FBP2: variants seen among roughly 807,000 people sequenced by gnomAD.
FBP2 encodes the protein fructose-1,6-bisphosphatase isozyme 2.
In FBP2, 27 loss-of-function variants were observed where a neutral mutation model predicts 31.6. The ratio of observed to expected loss-of-function variants is 0.85; its 90% CI spans 0.63 to 1.18. The LOEUF (loss-of-function observed/expected upper bound fraction) is 1.18. Ranked by LOEUF, FBP2 falls within the 50% of genes most tolerant of loss-of-function variation. FBP2 has a pLI of 0.00. For synonymous variants in FBP2, 168 were observed against 179.8 expected, an observed-to-expected ratio of 0.93 and a Z score of 0.53; for missense variants, 421 against 436.1, an observed-to-expected ratio of 0.97 and a Z score of 0.31.
At chr9:94,592,191 C>T (rs140505540) in intron 1 of FBP2, among the ~76,000 whole-genome samples, 2 of 152,280 alleles carry the variant, frequency 1.3e-5, no homozygotes, top group South Asian at 2.1e-4. Flanking sequence ...AAATGCAGAG[C>T]GTGGCTGTTA....
chr9:94,567,417 T>TGAAGAG lies in FBP2; in HGVS notation c.568-16_568-11dup. 6.2e-7 allele frequency: 1 copy of TGAAGAG among 1,612,660 alleles called. No individual in the cohort carries two copies. The highest frequency in any genetic ancestry group is 8.5e-7 in the Non-Finnish European group (1 of 1,179,856). ...CAAATTCACCAAGAGCCTAGCAACA[T>TGAAGAG]GAAGAGAGATGCCAGGAAGAAGAGA... On this transcript the variant is annotated splice_polypyrimidine_tract_variant and intron_variant, in intron 4 of 6. Transcript: ENST00000375337.
chr9:94,561,981 A>G (rs1179240515), intron 6 of FBP2, among the ~76,000 whole-genome samples: 1 of 152,144 alleles, frequency 6.6e-6, no homozygotes, highest in African/African-American at 2.4e-5. Context: ...TGTTCTCCCC[A>G]ATGTAACTGA....
intron 3 of FBP2, among the ~76,000 whole-genome samples, chr9:94,572,522 C>G (rs773748171): frequency 6.6e-6 from 1 of 152,182 alleles, no homozygotes; most frequent in Non-Finnish European, 1.5e-5. Context: ...CAGCGCTTGA[C>G]GCCATGAGCA....
chr9:94,590,512 A>G (rs1291241218), intron 1 of FBP2, among the ~76,000 whole-genome samples: 2 of 152,160 alleles, frequency 1.3e-5, no homozygotes, highest in African/African-American at 4.8e-5. Flanking sequence ...TCAAGAATGA[A>G]GCCGCGGACC....
intron 6 of FBP2, among the ~76,000 whole-genome samples, chr9:94,559,617 C>T (rs1490910599): frequency 6.6e-6 from 1 of 152,082 alleles, no homozygotes; most frequent in East Asian, 1.9e-4. Flanking sequence ...TGGAGGAACT[C>T]CACATCTTAA....
At chr9:94,589,817 C>T (rs1363096214) in intron 1 of FBP2, among the ~76,000 whole-genome samples, 1 of 151,200 alleles carries the variant, frequency 6.6e-6, no homozygotes, top group Non-Finnish European at 1.5e-5. Flanking sequence ...GGAAAACACT[C>T]CTAGCAGCCT....
chr9:94,572,262 C>G (rs183356446), intron 3 of FBP2, among the ~76,000 whole-genome samples: 9 of 152,264 alleles, frequency 5.9e-5, no homozygotes, highest in Admixed American at 2.0e-4. Context: ...TTCCTCACCC[C>G]CTTATCCAAA....
intron 1 of FBP2, among the ~76,000 whole-genome samples, chr9:94,591,199 C>A (rs1460738203): frequency 6.6e-6 from 1 of 152,214 alleles, no homozygotes; most frequent in African/African-American, 2.4e-5. Flanking sequence ...CGGGGGGTGG[C>A]GCTCGTCGGG....
chr9:94,561,541 A>G (rs1317613523), intron 6 of FBP2, among the ~76,000 whole-genome samples: 1 of 151,644 alleles, frequency 6.6e-6, no homozygotes, highest in African/African-American at 2.4e-5. Flanking sequence ...TATTTTTTGT[A>G]TTTTTAGTAG....
intron 6 of FBP2, among the ~76,000 whole-genome samples, chr9:94,562,147 TA>T (rs796487611): frequency 6.6e-6 from 1 of 151,586 alleles, no homozygotes; most frequent in East Asian, 2.0e-4. Context: ...CCGTCTCTAC[TA>T]AAAATACAAA....
At chr9:94,581,371 A>G (rs991853790) in intron 3 of FBP2, among the ~76,000 whole-genome samples, 1 of 152,218 alleles carries the variant, frequency 6.6e-6, no homozygotes, top group Middle Eastern at 3.2e-3. Flanking sequence ...CCAAGCTCAC[A>G]GTAGCTCGAT....
intron 1 of FBP2, among the ~76,000 whole-genome samples, chr9:94,591,921 C>T (rs1467139288): frequency 2.6e-5 from 4 of 152,188 alleles, no homozygotes; most frequent in Non-Finnish European, 5.9e-5. Flanking sequence ...TCTCCTTGCT[C>T]AACCGCCATA....
chr9:94,570,969 G>GT (rs1418245004), intron 4 of FBP2: 1 of 152,384 alleles, frequency 6.6e-6, no homozygotes, highest in Non-Finnish European at 1.5e-5. Flanking sequence ...TGAACAAGAG[G>GT]TTTTGACGTG....
chr9:94,589,212 G>A (rs1281141731), intron 1 of FBP2, among the ~76,000 whole-genome samples: 8 of 151,934 alleles, frequency 5.3e-5, no homozygotes, highest in Admixed American at 2.6e-4. Flanking sequence ...CAGCCACCCC[G>A]CCACCCTCTC....
At chr9:94,561,352 ATTTTTTTTTTTTTTTTTT>A (rs1174386595) in intron 6 of FBP2, among the ~76,000 whole-genome samples, 1 of 54,970 alleles carries the variant, frequency 1.8e-5, no homozygotes, top group Non-Finnish European at 3.1e-5. Flanking sequence ...TGTGACCTGT[ATTTTTTTTTTTTTTTTTT>A]TTTTTTTTTT....
chr9:94,588,884 C>T (rs1827460690), intron 1 of FBP2, among the ~76,000 whole-genome samples: 1 of 152,190 alleles, frequency 6.6e-6, no homozygotes, highest in Admixed American at 6.5e-5. Context: ...ACCTCCAAGG[C>T]ACACACCTGC....
At chr9:94,591,155 C>A (rs1437292176) in intron 1 of FBP2, among the ~76,000 whole-genome samples, 1 of 152,252 alleles carries the variant, frequency 6.6e-6, no homozygotes, top group African/African-American at 2.4e-5. Context: ...ATTCCTCAGC[C>A]CTTGGGTGGT....
intron 2 of FBP2, chr9:94,586,865 T>C (rs2280303): frequency 0.43 from 68,635 of 158,688 alleles, 15,589 homozygotes; most frequent in Admixed American, 0.52. Flanking sequence ...TCTGGACCAG[T>C]CTAACAGCTT....
intron 3 of FBP2, among the ~76,000 whole-genome samples, chr9:94,581,568 C>T (rs923379957): frequency 2.0e-5 from 3 of 152,154 alleles, no homozygotes; most frequent in Admixed American, 6.5e-5. Flanking sequence ...GGGGTCCCAT[C>T]GAGGAACATC....
Sources: gnomAD v4.1 joint callset for allele counts (sites outside exome capture counted in the v4.1 genomes callset) on GRCh38, gnomAD v4.1.1 for gene constraint, MANE v1.5 for transcripts, NCBI Gene and HGNC (gene_info 2026-07-23, HGNC 2026-07-21) for gene names.